AKAP9: variants seen among roughly 807,000 people sequenced by gnomAD.
AKAP9 encodes the protein A-kinase anchoring protein 9, also known as A-kinase anchor protein 9.
AKAP9 carries 311 observed loss-of-function variants against 488.5 expected under a neutral mutation model. The observed-to-expected ratio is 0.64, with a 90% CI of 0.58 to 0.70. The LOEUF (loss-of-function observed/expected upper bound fraction) is 0.70. Among genes scored for constraint, AKAP9 ranks in the 30% least tolerant of loss-of-function variants. The pLI is 0.00. For missense variants in AKAP9, 4,215 were observed against 4,374.5 expected, an observed-to-expected ratio of 0.96 and a Z score of 1.03; for synonymous variants, 1,462 against 1,483.5, an observed-to-expected ratio of 0.99 and a Z score of 0.33.
intron 20 of AKAP9, chr7:92,043,413 A>ATTTT: frequency 1.3e-6 from 1 of 793,754 alleles, no homozygotes; most frequent in Non-Finnish European, 1.5e-6. Context: ...AATATAAAAT[A>ATTTT]AACACTTTGT....
intron 45 of AKAP9, among the ~76,000 whole-genome samples, chr7:92,101,460 A>C (rs1421648309): frequency 1.3e-5 from 2 of 151,520 alleles, no homozygotes; most frequent in African/African-American, 4.9e-5. Flanking sequence ...AAATGTAGAT[A>C]GTATTCAGGT....
chr7:92,033,619 G>A (rs1804670781), intron 16 of AKAP9, among the ~76,000 whole-genome samples: 1 of 151,704 alleles, frequency 6.6e-6, no homozygotes, highest in African/African-American at 2.4e-5. Context: ...TAATTTTTTT[G>A]TAGAGACAGG....
At chr7:91,986,416 A>G (rs1797095761) in intron 3 of AKAP9, among the ~76,000 whole-genome samples, 1 of 152,192 alleles carries the variant, frequency 6.6e-6, no homozygotes, top group Admixed American at 6.5e-5. Flanking sequence ...CTGTCCGACC[A>G]GTCCCAGTGA....
At chr7:92,071,213 A>T (rs1013244352) in intron 28 of AKAP9, among the ~76,000 whole-genome samples, 1 of 152,124 alleles carries the variant, frequency 6.6e-6, no homozygotes, top group African/African-American at 2.4e-5. Flanking sequence ...CCAGATAGAG[A>T]GAAGAGCCAG....
Position 92,099,691 on chromosome 7 carries a change from G to A in AKAP9, c.10718G>A (p.Ser3573Asn). 2 of 1,613,878 alleles carry A rather than the reference G, an allele frequency of 1.2e-6. No homozygotes were observed. The highest frequency in any genetic ancestry group is 1.7e-6 in the Non-Finnish European group (2 of 1,179,898). The change falls in exon 44 of 50, where the codon AGC becomes AAC. Residue 3573 changes from serine to asparagine, a missense_variant. By Grantham distance (46) the Ser-to-Asn change is conservative (BLOSUM62 1). Around this residue, in one of 5 missense-constraint regions of AKAP9, gnomAD observed 1,476 missense variants for 1,477.4 expected, o/e 1.00. Coordinates refer to ENST00000356239, the MANE Select transcript of AKAP9 (RefSeq NM_005751.5). Reference protein sequence around the residue: ...KLTGQQGEEPSLVSPSTSCGS... With the variant: ...KLTGQQGEEPNLVSPSTSCGS... ...TACACCATTTTATTTTTCCAGCCCA[G>A]CTTGGTGTCCCCAAGTACTTCTTGT... is the stretch of plus-strand genomic sequence containing the variant.
At chr7:92,072,770 A>C (rs943787450) in intron 28 of AKAP9, among the ~76,000 whole-genome samples, 2 of 152,196 alleles carry the variant, frequency 1.3e-5, no homozygotes, top group African/African-American at 4.8e-5. Flanking sequence ...TCTAGCTTAG[A>C]GTTAGCAATA....
In AKAP9 at chr7:92,083,477, A is replaced by G. The variant is rs376528503; in HGVS notation, c.8468A>G (p.Gln2823Arg). The change falls in exon 33 of 50, where the codon CAG becomes CGG. Residue 2823 changes from glutamine (Q) to arginine (R), a missense_variant. Physicochemically the swap from Gln to Arg is conservative, Grantham distance 43. Around this residue, in one of 5 missense-constraint regions of AKAP9, gnomAD observed 1,476 missense variants for 1,477.4 expected, o/e 1.00. Coordinates refer to ENST00000356239, the MANE Select transcript of AKAP9 (RefSeq NM_005751.5). The stretch of plus-strand genomic sequence containing the variant: ...GAAGAAGTTACTGAAATAATCAGTC[A>G]GTTTACTGAAAAAATTGAGAAGATG... ...SSEEVTEIIS[Q>R]FTEKIEKMQE... 89 of 1,612,732 alleles carry G rather than the reference A, an allele frequency of 5.5e-5. 1 individual carries two copies. Among genetic ancestry groups the G allele is most frequent in the Admixed American group, 1.0e-4 (6 of 59,842 alleles).
In AKAP9 at chr7:91,993,072, TG is replaced by T; in HGVS notation, c.576+19del. 6.2e-7 allele frequency: 1 copy of T among 1,613,956 alleles called. No homozygotes were observed. The highest frequency in any genetic ancestry group is 8.5e-7 in the Non-Finnish European group (1 of 1,179,866). On this transcript the variant is annotated intron_variant, in intron 5 of 49. Coordinates refer to ENST00000356239, the MANE Select transcript of AKAP9 (RefSeq NM_005751.5). The stretch of plus-strand genomic sequence containing the variant: ...CTGCAGCAGGTATGTTTATTTTCTG[TG>T]GCTTTTGATTTGCTACTCACAAAAA...
chr7:92,107,347 G>T lies in AKAP9; in HGVS notation c.11471G>T (p.Gly3824Val), dbSNP rs369061534. The change falls in exon 48 of 50, where the codon GGA becomes GTA. Residue 3824 changes from glycine (G) to valine (V), a missense_variant. Physicochemically the swap from Gly to Val is moderately radical, Grantham distance 109. This residue lies in a region of AKAP9 where 253 missense variants were observed against 266.8 expected (regional missense o/e 0.95). Coordinates refer to ENST00000356239, the MANE Select transcript of AKAP9 (RefSeq NM_005751.5). ...TCTTCTGGTGGGCTGGAGTTATATG[G>T]AGAACCAAGACATACTACGTATCGC... Reference protein sequence around the residue: ...YHSSGGLELYGEPRHTTYRSR... With the variant: ...YHSSGGLELYVEPRHTTYRSR... 13 of 1,613,848 alleles carry T rather than the reference G, an allele frequency of 8.1e-6. No homozygotes were observed. Among genetic ancestry groups the T allele is most frequent in the Non-Finnish European group, 1.0e-5 (12 of 1,179,854 alleles).
chr7:92,092,917 C>G (rs866864410), intron 38 of AKAP9, 180 bp from the exon 39 acceptor site: 28 of 572,960 alleles, frequency 4.9e-5, no homozygotes, highest in Admixed American at 2.4e-4. Flanking sequence ...TCCCAAAGTG[C>G]TGGGATTACA....
At chr7:92,084,962 T>C in intron 35 of AKAP9, 22 bp downstream of exon 35, 1 of 1,610,328 alleles carries the variant, frequency 6.2e-7, no homozygotes, top group Admixed American at 1.7e-5. Context: ...TAGATACCTT[T>C]TATTAACTCA....
chr7:92,009,958 T>C (rs1800456151), intron 8 of AKAP9, among the ~76,000 whole-genome samples: 2 of 152,144 alleles, frequency 1.3e-5, no homozygotes, highest in South Asian at 4.2e-4. Context: ...CATTTCACTA[T>C]GGCTGCAACC....
At chr7:92,016,869 T>G in intron 11 of AKAP9, 148 bp from the exon 12 acceptor site, 2 of 625,774 alleles carry the variant, frequency 3.2e-6, no homozygotes, top group Non-Finnish European at 5.8e-6. Flanking sequence ...TTCACATGAA[T>G]GAGATTTCAA....
intron 48 of AKAP9, 104 bp downstream of exon 48, chr7:92,107,526 A>G: frequency 8.9e-7 from 1 of 1,127,270 alleles, no homozygotes; most frequent in Non-Finnish European, 1.3e-6. Context: ...TGAGATAGAC[A>G]TCTTTGTTAT....
At chr7:92,053,704 C>T (rs967655349) in intron 22 of AKAP9, among the ~76,000 whole-genome samples, 4 of 152,156 alleles carry the variant, frequency 2.6e-5, no homozygotes, top group Non-Finnish European at 5.9e-5. Flanking sequence ...TTAAATATCA[C>T]TGAATGGATC....
intron 7 of AKAP9, among the ~76,000 whole-genome samples, chr7:92,000,556 C>T (rs1799023401): frequency 6.6e-6 from 1 of 152,258 alleles, no homozygotes; most frequent in Middle Eastern, 3.4e-3. Context: ...AGTTTGGAGA[C>T]ATCTAAAATC....
At chr7:92,088,936 TTTAA>T (rs2130882555) in intron 37 of AKAP9, among the ~76,000 whole-genome samples, 1 of 152,326 alleles carries the variant, frequency 6.6e-6, no homozygotes, top group African/African-American at 2.4e-5. Flanking sequence ...GAACTTTAGC[TTTAA>T]TTAATTCAAA....
intron 14 of AKAP9, among the ~76,000 whole-genome samples, chr7:92,028,025 G>A (rs1803600422): frequency 1.3e-5 from 2 of 152,058 alleles, no homozygotes; most frequent in African/African-American, 2.4e-5. Context: ...CATGTGCTGT[G>A]TCAACTCAGG....
chr7:92,084,612 A>G, intron 33 of AKAP9, 28 bp from the exon 34 acceptor site: 1 of 1,563,698 alleles, frequency 6.4e-7, no homozygotes, highest in Non-Finnish European at 8.8e-7. Flanking sequence ...AGCAAAAAAT[A>G]TATGTACTTT....
Sources: gnomAD v4.1 joint callset for allele counts (sites outside exome capture counted in the v4.1 genomes callset) on GRCh38, gnomAD v4.1.1 for gene constraint, gnomAD v4.1.1 regional missense constraint, MANE v1.5 for transcripts, NCBI Gene and HGNC (gene_info 2026-07-23, HGNC 2026-07-21) for gene names.